Variants in SHISA6 observed in about 807,000 individuals in gnomAD.
SHISA6 encodes protein shisa-6.
SHISA6 carries 22 observed loss-of-function variants against 47.9 expected under a neutral mutation model. That is an observed-to-expected ratio of 0.46 (90% CI 0.33 to 0.66). The LOEUF (loss-of-function observed/expected upper bound fraction) is 0.66, where lower values mean the gene tolerates loss of function less well. Ranked by LOEUF, SHISA6 falls within the 30% of genes least tolerant of loss-of-function variation. The pLI is 0.02. For missense variants in SHISA6, 680 were observed against 764.6 expected, an observed-to-expected ratio of 0.89 and a Z score of 1.30; for synonymous variants, 388 against 337.8, an observed-to-expected ratio of 1.15 and a Z score of -1.63.
At chr17:11,451,995 T>C (rs963535669) in intron 3 of SHISA6, among the ~76,000 whole-genome samples, 7 of 152,222 alleles carry the variant, frequency 4.6e-5, no homozygotes, top group South Asian at 2.1e-4. Flanking sequence ...TGGTTTACCA[T>C]CAAGGTCCTG....
At chr17:11,273,580 G>A (rs976253735) in intron 2 of SHISA6, among the ~76,000 whole-genome samples, 1 of 152,224 alleles carries the variant, frequency 6.6e-6, no homozygotes, top group Non-Finnish European at 1.5e-5. Flanking sequence ...CCTACTTTTC[G>A]TGTGTCATAA....
At chr17:11,542,150 G>T (rs72809065) in intron 3 of SHISA6, among the ~76,000 whole-genome samples, 37,022 of 151,988 alleles carry the variant, frequency 0.24, 4,893 homozygotes, top group South Asian at 0.31. Context: ...ACCTGGGTGG[G>T]ACAGCCTGTG....
At chr17:11,377,783 G>A (rs957675112) in intron 2 of SHISA6, among the ~76,000 whole-genome samples, 19 of 152,204 alleles carry the variant, frequency 1.2e-4, no homozygotes, top group Non-Finnish European at 1.5e-4. Flanking sequence ...TCTCATTTCC[G>A]GTGGCACATT....
At chr17:11,421,142 T>C (rs1348742271) in intron 3 of SHISA6, among the ~76,000 whole-genome samples, 1 of 152,230 alleles carries the variant, frequency 6.6e-6, no homozygotes, top group Non-Finnish European at 1.5e-5. Context: ...CCCTGTTCTA[T>C]GGCAGCGTTC....
At chr17:11,350,855 C>G (rs1248852212) in intron 2 of SHISA6, among the ~76,000 whole-genome samples, 1 of 152,090 alleles carries the variant, frequency 6.6e-6, no homozygotes, top group Non-Finnish European at 1.5e-5. Flanking sequence ...ATGTTTATTG[C>G]AGCACTGTTT....
At chr17:11,465,530 G>A (rs1915788610) in intron 3 of SHISA6, among the ~76,000 whole-genome samples, 1 of 152,116 alleles carries the variant, frequency 6.6e-6, no homozygotes, top group South Asian at 2.1e-4. Flanking sequence ...AGCCTCCCAG[G>A]TAGCTGGGAC....
chr17:11,328,615 A>G (rs1305511763), intron 2 of SHISA6, among the ~76,000 whole-genome samples: 1 of 152,262 alleles, frequency 6.6e-6, no homozygotes, highest in African/African-American at 2.4e-5. Flanking sequence ...AGTCTAATAC[A>G]GTCACCAAGA....
intron 2 of SHISA6, among the ~76,000 whole-genome samples, chr17:11,309,039 A>G (rs527326291): frequency 6.6e-6 from 1 of 152,244 alleles, no homozygotes; most frequent in South Asian, 2.1e-4. Flanking sequence ...ATTATAGCTC[A>G]CTGCAGCCCC....
intron 3 of SHISA6, among the ~76,000 whole-genome samples, chr17:11,455,177 A>AAAACAAAC (rs199965683): frequency 6.6e-6 from 1 of 151,802 alleles, no homozygotes; most frequent in Admixed American, 6.6e-5. Context: ...TCAAAAAAAC[A>AAAACAAAC]AAACAAACAA....
At chr17:11,349,152 A>C (rs1911790371) in intron 2 of SHISA6, among the ~76,000 whole-genome samples, 1 of 152,184 alleles carries the variant, frequency 6.6e-6, no homozygotes, top group Admixed American at 6.5e-5. Flanking sequence ...GAAGTATAAA[A>C]TCTTGCCTGG....
At chr17:11,476,790 T>C (rs2969222) in intron 3 of SHISA6, among the ~76,000 whole-genome samples, 96,820 of 151,820 alleles carry the variant, frequency 0.64, 31,858 homozygotes, top group African/African-American at 0.8. Context: ...TTGATGGTGT[T>C]ATTGAGTTTA....
At chr17:11,341,833 C>A (rs1191680562) in intron 2 of SHISA6, among the ~76,000 whole-genome samples, 1 of 152,166 alleles carries the variant, frequency 6.6e-6, no homozygotes, top group African/African-American at 2.4e-5. Context: ...ACTTTGATGT[C>A]ATTTATAACA....
At chr17:11,295,232 G>A (rs1040013656) in intron 2 of SHISA6, among the ~76,000 whole-genome samples, 2 of 152,180 alleles carry the variant, frequency 1.3e-5, no homozygotes, top group Admixed American at 1.3e-4. Context: ...GCAGATAATA[G>A]GGGACTACCA....
chr17:11,288,587 C>G (rs1909408673), intron 2 of SHISA6: 1 of 152,130 alleles, frequency 6.6e-6, no homozygotes, highest in Non-Finnish European at 1.5e-5. Flanking sequence ...TACTCATAAT[C>G]TTACTCAAAA....
chr17:11,494,000 A>T (rs2071388077), intron 3 of SHISA6, among the ~76,000 whole-genome samples: 1 of 151,894 alleles, frequency 6.6e-6, no homozygotes. Context: ...ATTAAATCTG[A>T]TAATTAGGAG....
At chr17:11,535,805 G>T (rs1038249027) in intron 3 of SHISA6, among the ~76,000 whole-genome samples, 5 of 151,992 alleles carry the variant, frequency 3.3e-5, no homozygotes, top group Non-Finnish European at 7.4e-5. Context: ...TCACAGACTT[G>T]TTGTGAGGTT....
chr17:11,295,548 G>A lies in SHISA6; in HGVS notation c.799+32022G>A, dbSNP rs139696215. 7.2e-5 allele frequency among the ~76,000 whole-genome samples: 11 copies of A among 152,336 alleles called. No homozygotes were observed. The East Asian group carries it at 2.1e-3, about 29-fold the overall frequency. On this transcript the variant is annotated intron_variant, in intron 2 of 5. Transcript: ENST00000441885. ...AAATGATGGGAAGGTGATGTTGGAA[G>A]TAAAGAAGTGGATGCAATAAATGAG...
At position 11,558,155 on chromosome 17, in the gene SHISA6, A is replaced by C; in HGVS notation, c.1507A>C (p.Asn503His). Residue 503 changes from asparagine (N) to histidine (H), a missense_variant, in exon 6 of 6, where the codon AAT becomes CAT. Asn to His is a moderately conservative substitution (Grantham distance 68). Coordinates refer to ENST00000441885, the MANE Select transcript of SHISA6 (RefSeq NM_207386.4). ...GATGCACTCTCATCCCAGTGCCTCCAATAACTCATACGCCACCCTGGGCCA... is the reference window on the plus strand; with the variant it reads ...GATGCACTCTCATCCCAGTGCCTCCCATAACTCATACGCCACCCTGGGCCA... ...SKMHSHPSAS[N>H]NSYATLGQSQ... 6.5e-7 allele frequency: 1 copy of C among 1,549,864 alleles called. No individual in the cohort carries two copies. Among genetic ancestry groups the C allele is most frequent in the South Asian group, 1.2e-5 (1 of 84,068 alleles).
intron 5 of SHISA6, among the ~76,000 whole-genome samples, chr17:11,557,231 T>A (rs1309470113): frequency 6.6e-6 from 1 of 152,210 alleles, no homozygotes; most frequent in Non-Finnish European, 1.5e-5. Context: ...GCATCTTACT[T>A]TATTCTAGCC....
Sources: gnomAD v4.1 joint callset for allele counts (sites outside exome capture counted in the v4.1 genomes callset) on GRCh38, gnomAD v4.1.1 for gene constraint, MANE v1.5 for transcripts, NCBI Gene and HGNC (gene_info 2026-07-23, HGNC 2026-07-21) for gene names.